Variants in CSMD1 observed in about 807,000 individuals in gnomAD.
CSMD1 encodes CUB and Sushi multiple domains 1.
In CSMD1, 213 loss-of-function variants were observed where a neutral mutation model predicts 417.5. The ratio of observed to expected loss-of-function variants is 0.51; its 90% CI spans 0.46 to 0.57. CSMD1 has a LOEUF of 0.57. CSMD1 is among the 20% of genes least tolerant of loss of function. CSMD1 has a pLI of 0.00. For synonymous variants in CSMD1, 2,862 were observed against 1,736.8 expected (o/e 1.65, Z -16.11); for missense variants, 6,923 against 4,529.7 (o/e 1.53, Z -15.17).
At chr8:4,036,030 A>T (rs1286494669) in intron 3 of CSMD1, among the ~76,000 whole-genome samples, 1 of 152,058 alleles carries the variant, frequency 6.6e-6, no homozygotes, top group Non-Finnish European at 1.5e-5. Flanking sequence ...ATGTTTAGAG[A>T]CACATATACT....
intron 10 of CSMD1, among the ~76,000 whole-genome samples, chr8:3,512,432 G>A (rs955862996): frequency 2.6e-5 from 4 of 151,992 alleles, no homozygotes; most frequent in Admixed American, 2.6e-4. Context: ...TTTGATTTAT[G>A]TATTTGTAAT....
chr8:3,252,508 T>C (rs946490699), intron 26 of CSMD1, among the ~76,000 whole-genome samples: 6 of 152,234 alleles, frequency 3.9e-5, no homozygotes, highest in African/African-American at 9.6e-5. Context: ...ATCAGGGATA[T>C]TGGTCTAAAA....
intron 30 of CSMD1, among the ~76,000 whole-genome samples, chr8:3,207,380 T>C (rs1326127965): frequency 2.0e-5 from 3 of 151,656 alleles, no homozygotes; most frequent in Non-Finnish European, 2.9e-5. Flanking sequence ...CCTGACCTCA[T>C]GATCCGCATG....
At chr8:4,169,072 T>C (rs374927695) in intron 3 of CSMD1, among the ~76,000 whole-genome samples, 3 of 152,334 alleles carry the variant, frequency 2.0e-5, no homozygotes, top group East Asian at 3.9e-4. Flanking sequence ...TGTTTCTCCC[T>C]ACCTGTAAGC....
chr8:4,431,534 G>A (rs375323172), intron 2 of CSMD1, among the ~76,000 whole-genome samples: 3 of 152,114 alleles, frequency 2.0e-5, no homozygotes, highest in Non-Finnish European at 4.4e-5. Context: ...TATAACACCC[G>A]ACCCTGATAA....
chr8:3,066,121 G>C (rs148625449), intron 49 of CSMD1, among the ~76,000 whole-genome samples: 1 of 152,276 alleles, frequency 6.6e-6, no homozygotes, highest in East Asian at 1.9e-4. Context: ...AGGAGTGCGG[G>C]CCTATTGAGG....
At chr8:4,186,101 AT>A (rs1563241303) in intron 3 of CSMD1, among the ~76,000 whole-genome samples, 1 of 152,048 alleles carries the variant, frequency 6.6e-6, no homozygotes, top group Non-Finnish European at 1.5e-5. Flanking sequence ...ACCCTCTTTG[AT>A]TGGGCCATGC....
chr8:4,552,991 T>G (rs140568162), intron 2 of CSMD1, among the ~76,000 whole-genome samples: 4 of 152,352 alleles, frequency 2.6e-5, no homozygotes, highest in Non-Finnish European at 5.9e-5. Flanking sequence ...GTATGCTGGC[T>G]GCTTGGTGAC....
intron 1 of CSMD1, among the ~76,000 whole-genome samples, chr8:4,652,560 G>T (rs946488838): frequency 6.6e-6 from 1 of 151,972 alleles, no homozygotes; most frequent in South Asian, 2.1e-4. Flanking sequence ...GTTGAGGCAG[G>T]AGAATCGCTT....
At chr8:3,917,481 A>T (rs1393678242) in intron 5 of CSMD1, among the ~76,000 whole-genome samples, 1 of 152,160 alleles carries the variant, frequency 6.6e-6, no homozygotes, top group Non-Finnish European at 1.5e-5. Context: ...ACTATGGCTG[A>T]AAGTTTTGTT....
At chr8:3,921,114 G>C (rs62480124) in intron 5 of CSMD1, among the ~76,000 whole-genome samples, 2,124 of 149,576 alleles carry the variant, frequency 0.014, 24 homozygotes, top group Non-Finnish European at 0.022. Context: ...TTCTTTGAAA[G>C]AAGGTTGAAC....
chr8:4,279,578 G>A (rs1326276013), intron 3 of CSMD1, among the ~76,000 whole-genome samples: 2 of 152,114 alleles, frequency 1.3e-5, no homozygotes, highest in Admixed American at 6.6e-5. Flanking sequence ...TGCAGACACG[G>A]TTTTATTGCC....
At chr8:4,256,386 C>A (rs1022757568) in intron 3 of CSMD1, among the ~76,000 whole-genome samples, 6 of 152,254 alleles carry the variant, frequency 3.9e-5, no homozygotes, top group African/African-American at 1.4e-4. Flanking sequence ...GATTACTACA[C>A]CCCTCTGAAT....
chr8:4,728,757 C>T (rs1809640216), intron 1 of CSMD1, among the ~76,000 whole-genome samples: 1 of 151,326 alleles, frequency 6.6e-6, no homozygotes, highest in Admixed American at 6.6e-5. Context: ...TAAATGTCTG[C>T]TGAAAAAAAA....
At chr8:4,082,177 T>C (rs1800173441) in intron 3 of CSMD1, among the ~76,000 whole-genome samples, 1 of 152,074 alleles carries the variant, frequency 6.6e-6, no homozygotes, top group Admixed American at 6.6e-5. Flanking sequence ...TTAAAGAGCG[T>C]ACAAGATATA....
intron 5 of CSMD1, among the ~76,000 whole-genome samples, chr8:3,789,556 A>C (rs2129066861): frequency 6.6e-6 from 1 of 151,558 alleles, no homozygotes; most frequent in Non-Finnish European, 1.5e-5. Context: ...AATTAAAGTA[A>C]TATATTCACT....
At chr8:3,875,449 G>C (rs1028607909) in intron 5 of CSMD1, among the ~76,000 whole-genome samples, 4 of 152,132 alleles carry the variant, frequency 2.6e-5, no homozygotes, top group Non-Finnish European at 5.9e-5. Context: ...AGATGATGTA[G>C]GTGAATGGGT....
At chr8:3,586,732 T>C (rs1251769462) in intron 8 of CSMD1, among the ~76,000 whole-genome samples, 2 of 152,198 alleles carry the variant, frequency 1.3e-5, no homozygotes, top group Non-Finnish European at 2.9e-5. Flanking sequence ...GTTAATTATA[T>C]TTAAAAGAAA....
At chr8:3,917,893 A>G (rs1425191804) in intron 5 of CSMD1, among the ~76,000 whole-genome samples, 1 of 152,138 alleles carries the variant, frequency 6.6e-6, no homozygotes, top group Admixed American at 6.5e-5. Flanking sequence ...TTAAATTTTA[A>G]ATGAAAATTT....
Sources: allele counts gnomAD v4.1 joint callset (sites outside exome capture counted in the v4.1 genomes callset), GRCh38; gene constraint gnomAD v4.1.1; transcripts MANE v1.5; gene names NCBI Gene and HGNC (gene_info 2026-07-23, HGNC 2026-07-21).